NSD2: variants seen among roughly 807,000 people sequenced by gnomAD.
NSD2 encodes the protein histone-lysine N-methyltransferase NSD2.
NSD2 carries 12 observed loss-of-function variants against 139.0 expected under a neutral mutation model. The observed-to-expected ratio is 0.09, with a 90% CI of 0.06 to 0.14. The LOEUF is 0.14. NSD2 is among the 10% of genes least tolerant of loss of function. The pLI is 1.00. For missense variants in NSD2, 1,155 were observed against 1,745.0 expected, an observed-to-expected ratio of 0.66 and a Z score of 6.02; for synonymous variants, 669 against 648.7, an observed-to-expected ratio of 1.03 and a Z score of -0.48.
chr4:1,939,391 C>T (rs1370223819), intron 8 of NSD2: 18 of 458,180 alleles, frequency 3.9e-5, no homozygotes, highest in South Asian at 3.5e-4. Context: ...GGCAGGGGGA[C>T]GTGGAACCAG....
rs527472497 is a variant in NSD2 at position 1,940,258 on chromosome 4, C to T, written c.1881+480C>T. 6 of 1,075,816 alleles carry T rather than the reference C, an allele frequency of 5.6e-6. No individual in the cohort carries two copies. In the Admixed American group the frequency reaches 1.9e-4, roughly 34 times the overall value. The allele number at this position is 1,075,816 out of a possible 1,614,324, so 66.6% of individuals were successfully genotyped here. On this transcript the variant is annotated intron_variant, in intron 9 of 21. Transcript: ENST00000508803. ...AGGAAGCCAAAGATTTCTTTGTTCT[C>T]ATGCATTTCATGGCTTTGGTCCTTT...
rs550674606 is a variant in NSD2 at position 1,959,235 on chromosome 4, G to C, written c.2986-236G>C. ...CATCAGCGATGTGCACAGACACTAA[G>C]ATAAAATAATGTGAGGGGGCGTTGT... On this transcript the variant is annotated intron_variant, in intron 16 of 21. Coordinates refer to ENST00000508803, the MANE Select transcript of NSD2 (RefSeq NM_001042424.3). Among the ~76,000 whole-genome samples, 3 of 152,294 alleles carry C rather than the reference G, an allele frequency of 2.0e-5. No individual in the cohort carries two copies. In the South Asian group the frequency reaches 6.2e-4, roughly 32 times the overall value.
chr4:1,904,879 C>T (rs969633153), intron 3 of NSD2, among the ~76,000 whole-genome samples: 28 of 152,096 alleles, frequency 1.8e-4, no homozygotes, highest in Non-Finnish European at 3.5e-4. Context: ...GCCTGTAATC[C>T]CAACACTTTG....
intron 1 of NSD2, among the ~76,000 whole-genome samples, chr4:1,875,038 T>A (rs1714146889): frequency 1.3e-5 from 2 of 152,194 alleles, no homozygotes; most frequent in African/African-American, 4.8e-5. Flanking sequence ...CATAGCTCAC[T>A]GTAACCTGGC....
rs1040172719 is a variant in NSD2 at position 1,973,667 on chromosome 4, C to G, written c.3373-1196C>G. Among the ~76,000 whole-genome samples, 2 of 152,242 alleles carry G rather than the reference C, an allele frequency of 1.3e-5. No homozygotes were observed. The highest frequency in any genetic ancestry group is 6.5e-5 in the Admixed American group (1 of 15,292). ...GCCAGCGGTCCCAGACAGGGGCACC[C>G]TGGGAGATTGCACCAGGGCTGGGTG... On this transcript the variant is annotated intron_variant, in intron 18 of 21. Coordinates refer to ENST00000508803, the MANE Select transcript of NSD2 (RefSeq NM_001042424.3). This position sits in a 1 kb window ranked among gnomAD's most constrained non-coding sequence, Gnocchi z 5.5.
rs1560767802 is a variant in NSD2 at position 1,958,387 on chromosome 4, CAG to C, written c.2985+352_2985+353del. Reference sequence around the variant, plus strand: ...GAGTCAGTCACATACGGCCAGGGCTCAGTGACTGAGCCCCAAACACGTAGATC... The same window carrying C: ...GAGTCAGTCACATACGGCCAGGGCTCTGACTGAGCCCCAAACACGTAGATC... On this transcript the variant is annotated intron_variant, in intron 16 of 21. Transcript: ENST00000508803. This position sits in a 1 kb window ranked among gnomAD's most constrained non-coding sequence, Gnocchi z 4.6. Among the ~76,000 whole-genome samples, 2 of 152,230 alleles carry C rather than the reference CAG, an allele frequency of 1.3e-5. No individual in the cohort carries two copies. The highest frequency in any genetic ancestry group is 4.1e-4 in the South Asian group (2 of 4,832).
In NSD2 at chr4:1,976,349, T is replaced by C; in HGVS notation, c.3622-126T>C. Reference sequence around the variant, plus strand: ...GAGCACGAGGAGGACACTCCTCTCCTCTCCTCTTAGTGTTGGGCACCTGCA... The same window carrying C: ...GAGCACGAGGAGGACACTCCTCTCCCCTCCTCTTAGTGTTGGGCACCTGCA... On this transcript the variant is annotated intron_variant, in intron 20 of 21. Transcript: ENST00000508803. This position sits in a 1 kb window ranked among gnomAD's most constrained non-coding sequence, Gnocchi z 5.3. The C allele has an allele frequency of 9.7e-7, 1 of 1,028,186 alleles. No homozygotes were observed. Among genetic ancestry groups the C allele is most frequent in the South Asian group, 1.6e-5 (1 of 63,128 alleles). 63.7% of individuals were successfully genotyped at this position (1,028,186 alleles called of 1,614,324 possible). A position where few individuals can be genotyped will look rare whatever the true frequency, so the allele number is the denominator to read the frequency against.
At chr4:1,960,945 T>A in intron 17 of NSD2, 90 bp from the exon 18 acceptor site, 1 of 976,688 alleles carries the variant, frequency 1.0e-6, no homozygotes, top group Non-Finnish European at 1.6e-6. Context: ...TGGTGCCCGT[T>A]CTAAGTGATC....
At chr4:1,927,719 G>GGAAAA (rs1721113291) in intron 5 of NSD2, among the ~76,000 whole-genome samples, 2 of 18,910 alleles carry the variant, frequency 1.1e-4, no homozygotes, top group African/African-American at 2.5e-4. Context: ...TCTTATCTCA[G>GGAAAA]AAAAAAAAAA....
rs1260859409 is a variant in NSD2 at position 1,948,807 on chromosome 4, T to C, written c.1882-2265T>C. Reference sequence around the variant, plus strand: ...TGTAAATCTGAAATAAAAGGTGCTGTTCCTTCCTCTGACCCAGGACTGCTT... The same window carrying C: ...TGTAAATCTGAAATAAAAGGTGCTGCTCCTTCCTCTGACCCAGGACTGCTT... On this transcript the variant is annotated intron_variant, in intron 9 of 21. Transcript: ENST00000508803. This position sits in a 1 kb window ranked among gnomAD's most constrained non-coding sequence, Gnocchi z 4.5. The C allele has an allele frequency of 9.7e-7, 1 of 1,031,930 alleles. No individual in the cohort carries two copies. The highest frequency in any genetic ancestry group is 6.1e-5 in the East Asian group (1 of 16,350). The allele number at this position is 1,031,930 out of a possible 1,614,324, so 63.9% of individuals were successfully genotyped here.
At chr4:1,961,174 G>A (rs1187294108) in intron 18 of NSD2, 23 bp downstream of exon 18, 1 of 1,571,178 alleles carries the variant, frequency 6.4e-7, no homozygotes, top group Non-Finnish European at 8.7e-7. Flanking sequence ...TCCACTGTGA[G>A]CTTCTGCAGT....
In NSD2 at chr4:1,947,039, G is replaced by T. The variant is rs373888225; in HGVS notation, c.1882-4033G>T. The T allele has an allele frequency of 2.1e-5, 22 of 1,063,762 alleles. No individual in the cohort carries two copies. The South Asian group carries it at 2.3e-4, about 11-fold the overall frequency. 65.9% of individuals were successfully genotyped at this position (1,063,762 alleles called of 1,614,324 possible). A position where few individuals can be genotyped will look rare whatever the true frequency, so the allele number is the denominator to read the frequency against. On this transcript the variant is annotated intron_variant, in intron 9 of 21. Coordinates refer to ENST00000508803, the MANE Select transcript of NSD2 (RefSeq NM_001042424.3). Reference sequence around the variant, plus strand: ...AGGTAGGGGTGGGGGTCCTGGTCCGGCTGATGGGGGTTTGCTCAGCACTGT... The same window carrying T: ...AGGTAGGGGTGGGGGTCCTGGTCCGTCTGATGGGGGTTTGCTCAGCACTGT...
chr4:1,952,087 C>T (rs1724326030), intron 10 of NSD2, 21 bp from the exon 11 acceptor site: 1 of 1,612,024 alleles, frequency 6.2e-7, no homozygotes, highest in Non-Finnish European at 8.5e-7. Flanking sequence ...CGCTGCTTAC[C>T]CGCCTGCTCT....
At chr4:1,953,793 C>CT (rs113712964) in intron 12 of NSD2, among the ~76,000 whole-genome samples, 1,489 of 145,330 alleles carry the variant, frequency 0.01, 13 homozygotes, top group South Asian at 0.017. Flanking sequence ...TTTACCCTGG[C>CT]TTTTTTTTTT....
chr4:1,876,951 T>C (rs1490612113), intron 1 of NSD2, among the ~76,000 whole-genome samples: 1 of 151,724 alleles, frequency 6.6e-6, no homozygotes, highest in Non-Finnish European at 1.5e-5. Context: ...GCCTGGGAAA[T>C]GTGGTGAAAC....
intron 3 of NSD2, among the ~76,000 whole-genome samples, chr4:1,914,209 G>A (rs1560627844): frequency 6.6e-6 from 1 of 152,186 alleles, no homozygotes; most frequent in East Asian, 1.9e-4. Flanking sequence ...TTTTAGTAGA[G>A]ATGGGGTTTT....
chr4:1,968,326 C>A (rs566797811), intron 18 of NSD2, among the ~76,000 whole-genome samples: 1 of 152,052 alleles, frequency 6.6e-6, no homozygotes, highest in African/African-American at 2.4e-5. Context: ...ATGATGACTG[C>A]GAGGCAGGAA....
chr4:1,930,608 C>A lies in NSD2; in HGVS notation c.1411-18C>A. On this transcript the variant is annotated intron_variant, in intron 5 of 21. Transcript: ENST00000508803. ...TTACGGATTTAACTTCTCATTGCAC[C>A]TTCTCCCGTTCCCACAGGTGGTAGC... The A allele has an allele frequency of 6.3e-7, 1 of 1,589,238 alleles. No homozygotes were observed. Among genetic ancestry groups the A allele is most frequent in the Non-Finnish European group, 8.6e-7 (1 of 1,166,750 alleles).
chr4:1,964,997 G>T (rs1725733438), intron 18 of NSD2, among the ~76,000 whole-genome samples: 1 of 118,432 alleles, frequency 8.4e-6, no homozygotes, highest in African/African-American at 3.1e-5. Context: ...AGGGGAGGAA[G>T]AATCTAATTT....
Sources: allele counts gnomAD v4.1 joint callset (sites outside exome capture counted in the v4.1 genomes callset), GRCh38; gene constraint gnomAD v4.1.1; non-coding constraint Gnocchi (gnomAD v3.1); transcripts MANE v1.5; gene names NCBI Gene and HGNC (gene_info 2026-07-23, HGNC 2026-07-21).